The following COL24A1 variants were observed in gnomAD, a reference collection of about 807,000 sequenced individuals.
COL24A1 encodes collagen alpha-1(XXIV) chain.
COL24A1 carries 224 observed loss-of-function variants against 253.9 expected under a neutral mutation model. The ratio of observed to expected loss-of-function variants is 0.88; its 90% confidence interval spans 0.79 to 0.99. COL24A1 has a LOEUF of 0.99. COL24A1 is among the 50% of genes least tolerant of loss of function. The pLI, the probability that COL24A1 is intolerant of heterozygous loss-of-function variation, is 0.00. For missense variants in COL24A1, 2,131 were observed against 2,068.5 expected (o/e 1.03, Z -0.59); for synonymous variants, 685 against 673.7 (o/e 1.02, Z -0.26).
intron 34 of COL24A1, 51 bp from the exon 35 acceptor site, chr1:85,874,753 C>T (rs531491194): frequency 3.8e-5 from 61 of 1,589,406 alleles, no homozygotes; most frequent in Admixed American, 2.9e-4. Context: ...GACTGCATGG[C>T]TAATTATGGA....
At chr1:85,853,895 C>G (rs938702843) in intron 37 of COL24A1, among the ~76,000 whole-genome samples, 19 of 152,034 alleles carry the variant, frequency 1.2e-4, no homozygotes, top group Non-Finnish European at 5.9e-5. Flanking sequence ...TTTGCAAAAA[C>G]TATCTCCTGT....
At chr1:85,811,266 T>G (rs1376186777) in intron 47 of COL24A1, among the ~76,000 whole-genome samples, 1 of 152,208 alleles carries the variant, frequency 6.6e-6, no homozygotes, top group African/African-American at 2.4e-5. Flanking sequence ...TTATGCATAA[T>G]GCTGCTACGA....
intron 4 of COL24A1, 24 bp downstream of exon 4, chr1:86,115,301 A>T (rs1706031949): frequency 5.6e-6 from 9 of 1,611,188 alleles, no homozygotes; most frequent in Non-Finnish European, 5.9e-6. Flanking sequence ...CACTGCCAGC[A>T]GGAAATATAG....
chr1:86,113,484 G>T (rs1257071743), intron 4 of COL24A1, among the ~76,000 whole-genome samples: 1 of 152,100 alleles, frequency 6.6e-6, no homozygotes, highest in Non-Finnish European at 1.5e-5. Context: ...GAAGACAGAG[G>T]TGTCAGCAAT....
intron 24 of COL24A1, 136 bp from the exon 25 acceptor site, chr1:85,911,569 T>G (rs1247872019): frequency 4.0e-6 from 3 of 742,232 alleles, no homozygotes; most frequent in Non-Finnish European, 7.1e-6. Context: ...AATTCCTCCT[T>G]GTATAGCTAT....
intron 47 of COL24A1, among the ~76,000 whole-genome samples, chr1:85,803,072 G>C (rs1297695147): frequency 1.3e-5 from 2 of 152,110 alleles, no homozygotes; most frequent in Admixed American, 6.5e-5. Context: ...ATTTCTCTTG[G>C]CTAGGAATAG....
At chr1:85,887,022 CT>C (rs1200652551) in intron 32 of COL24A1, among the ~76,000 whole-genome samples, 1 of 152,090 alleles carries the variant, frequency 6.6e-6, no homozygotes, top group East Asian at 1.9e-4. Flanking sequence ...TTATTATACA[CT>C]TTTAGTTAAC....
intron 24 of COL24A1, among the ~76,000 whole-genome samples, chr1:85,932,247 AC>A (rs1687807751): frequency 1.4e-5 from 1 of 74,010 alleles, no homozygotes; most frequent in Non-Finnish European, 2.7e-5. Flanking sequence ...CAAGAAAAAA[AC>A]AAACAACCCC....
intron 23 of COL24A1, among the ~76,000 whole-genome samples, chr1:85,964,262 C>T (rs943479221): frequency 6.6e-5 from 10 of 152,044 alleles, no homozygotes; most frequent in African/African-American, 1.9e-4. Context: ...TAAACCATTG[C>T]ATTACTTTAT....
chr1:85,949,616 T>C (rs1240411807), intron 24 of COL24A1, among the ~76,000 whole-genome samples: 1 of 152,118 alleles, frequency 6.6e-6, no homozygotes, highest in Non-Finnish European at 1.5e-5. Flanking sequence ...CTTTTATAAC[T>C]TTCCCCTTCA....
In COL24A1 at chr1:85,813,957, T is replaced by C. The variant is rs149085812; in HGVS notation, c.3951+2831A>G. Among the ~76,000 whole-genome samples the C allele has an allele frequency of 6.6e-5, 10 of 152,296 alleles. No homozygotes were observed. The East Asian group carries it at 1.9e-3, about 29-fold the overall frequency. ...CACTGAGAGTCCAATGGTGGCCATG[T>C]TGACTGGTGCCAATGTCATTGGTGG... On this transcript the variant is annotated intron_variant, in intron 47 of 59. Transcript: ENST00000370571.
chr1:85,957,116 C>G (rs1307525520), intron 24 of COL24A1, among the ~76,000 whole-genome samples: 1 of 152,148 alleles, frequency 6.6e-6, no homozygotes, highest in Non-Finnish European at 1.5e-5. Flanking sequence ...TGCATGTTCT[C>G]ACACATAAGT....
intron 5 of COL24A1, among the ~76,000 whole-genome samples, chr1:86,110,990 A>AG (rs1377149911): frequency 2.7e-4 from 41 of 152,272 alleles, no homozygotes; most frequent in Non-Finnish European, 5.0e-4. Context: ...GACATCCGCT[A>AG]GGGGAAGCCA....
intron 43 of COL24A1, among the ~76,000 whole-genome samples, chr1:85,828,736 C>G (rs541502881): frequency 0.15 from 13,237 of 85,506 alleles, 770 homozygotes; most frequent in Non-Finnish European, 0.19. Flanking sequence ...TCAGAGACTA[C>G]GATTGCAACC....
intron 24 of COL24A1, among the ~76,000 whole-genome samples, chr1:85,938,118 T>A (rs1320754150): frequency 6.8e-6 from 1 of 147,620 alleles, no homozygotes; most frequent in Non-Finnish European, 1.5e-5. Flanking sequence ...GATGAGGCAC[T>A]ATCCTATAGG....
chr1:86,012,382 G>T (rs1425730089), intron 19 of COL24A1, among the ~76,000 whole-genome samples: 1 of 152,120 alleles, frequency 6.6e-6, no homozygotes, highest in Non-Finnish European at 1.5e-5. Flanking sequence ...GAGGTCAGGA[G>T]ATCAAGACTA....
chr1:85,924,197 A>C (rs773690128), intron 24 of COL24A1, among the ~76,000 whole-genome samples: 2 of 152,170 alleles, frequency 1.3e-5, no homozygotes, highest in Non-Finnish European at 2.9e-5. Context: ...CAACCAAAAA[A>C]AGTCAAGGAC....
chr1:86,048,219 A>G (rs4912445), intron 11 of COL24A1, among the ~76,000 whole-genome samples: 35,072 of 152,080 alleles, frequency 0.23, 4,392 homozygotes, highest in Middle Eastern at 0.44. Context: ...ATATGTGTAC[A>G]TATGTGTATA....
At chr1:86,031,348 T>C (rs1698553437) in intron 14 of COL24A1, among the ~76,000 whole-genome samples, 1 of 152,024 alleles carries the variant, frequency 6.6e-6, no homozygotes, top group Admixed American at 6.6e-5. Context: ...AGTGGCTATT[T>C]TTAACAACAG....
Sources: gnomAD v4.1 joint callset for allele counts (sites outside exome capture counted in the v4.1 genomes callset) on GRCh38, gnomAD v4.1.1 for gene constraint, MANE v1.5 for transcripts, NCBI Gene and HGNC (gene_info 2026-07-23, HGNC 2026-07-21) for gene names.